The following CHODL variants were observed in gnomAD, a reference collection of about 807,000 sequenced individuals.
CHODL encodes the protein transmembrane protein MT75.
CHODL carries 29 observed loss-of-function variants against 34.5 expected under a neutral mutation model. The ratio of observed to expected loss-of-function variants is 0.84; its 90% CI spans 0.63 to 1.15. The LOEUF is 1.15. Ranked by LOEUF, CHODL falls within the 50% of genes most tolerant of loss-of-function variation. The probability of loss-of-function intolerance (pLI) is 0.00; values close to 1 mark genes in which losing one functional copy is unlikely to be tolerated. For synonymous variants in CHODL, 125 were observed against 116.1 expected, an observed-to-expected ratio of 1.08 and a Z score of -0.49; for missense variants, 332 against 332.5, an observed-to-expected ratio of 1.00 and a Z score of 0.01.
chr21:18,116,778 G>T (rs1394245897), intron 2 of CHODL, among the ~76,000 whole-genome samples: 3 of 152,156 alleles, frequency 2.0e-5, no homozygotes, highest in Non-Finnish European at 2.9e-5. Flanking sequence ...TCACCTGCTA[G>T]GGAGTTGAAG....
chr21:18,044,595 T>G (rs1292084272), intron 2 of CHODL, among the ~76,000 whole-genome samples: 1 of 151,968 alleles, frequency 6.6e-6, no homozygotes, highest in Non-Finnish European at 1.5e-5. Flanking sequence ...CACTGCCATT[T>G]TCTGAATTTC....
chr21:18,250,702 G>A (rs1275080584), intron 1 of CHODL, among the ~76,000 whole-genome samples: 1 of 151,946 alleles, frequency 6.6e-6, no homozygotes, highest in African/African-American at 2.4e-5. Flanking sequence ...GCTGCACTGT[G>A]TATGGTAGTA....
chr21:17,920,695 A>AT (rs1229046416), intron 1 of CHODL, among the ~76,000 whole-genome samples: 2 of 152,188 alleles, frequency 1.3e-5, no homozygotes, highest in Non-Finnish European at 2.9e-5. Flanking sequence ...AATGGTAGCT[A>AT]TTATTATTAA....
intron 2 of CHODL, among the ~76,000 whole-genome samples, chr21:18,127,494 C>T (rs2065560781): frequency 1.3e-5 from 2 of 151,904 alleles, no homozygotes; most frequent in South Asian, 4.2e-4. Flanking sequence ...TATTTAGAAA[C>T]CAGCTTGAAT....
chr21:18,021,490 C>T (rs1003885207), intron 1 of CHODL, among the ~76,000 whole-genome samples: 5 of 152,134 alleles, frequency 3.3e-5, no homozygotes, highest in Admixed American at 1.3e-4. Flanking sequence ...CTTCTTTCCC[C>T]ACTGGAGTGA....
chr21:18,154,027 G>GA (rs770685988), intron 2 of CHODL, among the ~76,000 whole-genome samples: 108 of 152,198 alleles, frequency 7.1e-4, no homozygotes, highest in Admixed American at 2.0e-3. Flanking sequence ...GATGGCAAGT[G>GA]AGATGTTTAT....
At chr21:17,975,351 C>T (rs2063653101) in intron 1 of CHODL, among the ~76,000 whole-genome samples, 1 of 151,728 alleles carries the variant, frequency 6.6e-6, no homozygotes, top group Non-Finnish European at 1.5e-5. Context: ...ATGTTTATTA[C>T]CTGGGTGACA....
intron 1 of CHODL, among the ~76,000 whole-genome samples, chr21:17,984,031 A>G (rs1732618260): frequency 6.6e-6 from 1 of 152,178 alleles, no homozygotes; most frequent in African/African-American, 2.4e-5. Flanking sequence ...TTTAGAATTT[A>G]TTTATCTAGC....
At chr21:18,253,315 G>GTT (rs141515066) in intron 1 of CHODL, among the ~76,000 whole-genome samples, 11 of 150,122 alleles carry the variant, frequency 7.3e-5, no homozygotes, top group African/African-American at 2.5e-4. Context: ...ATTCTGTTTT[G>GTT]TTTTTTTTTA....
rs1315148095 is a variant in CHODL, at chr21:18,245,254, G to C, written c.31G>C (p.Ala11Pro). 6 of 1,523,712 alleles carry C rather than the reference G, an allele frequency of 3.9e-6. No individual in the cohort carries two copies. In the African/African-American group the frequency reaches 7.1e-5, roughly 18 times the overall value. The allele number at this position is 1,523,712 out of a possible 1,614,324, so 94.4% of individuals were successfully genotyped here. A position where few individuals can be genotyped will look rare whatever the true frequency, so the allele number is the denominator to read the frequency against. Residue 11 changes from alanine to proline, a missense_variant, in exon 1 of 6, where the codon GCC (alanine) becomes CCC (proline). Physicochemically the swap from Ala to Pro is conservative, Grantham distance 27. Coordinates refer to ENST00000299295, the MANE Select transcript of CHODL (RefSeq NM_024944.3). ...CCGCGTGGTCTCGCTGCTGCTGGGCGCCGCGCTGCTCTGCGGCCACGGAGC... is the reference window on the plus strand; with the variant it reads ...CCGCGTGGTCTCGCTGCTGCTGGGCCCCGCGCTGCTCTGCGGCCACGGAGC... MSRVVSLLLG[A>P]ALLCGHGAFC... is the part of the protein sequence containing the mutation.
intron 2 of CHODL, among the ~76,000 whole-genome samples, chr21:18,078,243 CA>C (rs2064890592): frequency 6.6e-6 from 1 of 152,058 alleles, no homozygotes; most frequent in Non-Finnish European, 1.5e-5. Context: ...GGAGGGCTCA[CA>C]ATCATGGCAA....
At chr21:18,199,625 C>T (rs2073629258) in intron 2 of CHODL, among the ~76,000 whole-genome samples, 1 of 152,054 alleles carries the variant, frequency 6.6e-6, no homozygotes, top group Admixed American at 6.5e-5. Flanking sequence ...TCCATCCTCT[C>T]CTATCCTAAA....
At chr21:18,071,274 G>C (rs922973135) in intron 2 of CHODL, among the ~76,000 whole-genome samples, 6 of 151,588 alleles carry the variant, frequency 4.0e-5, no homozygotes, top group African/African-American at 1.5e-4. Flanking sequence ...AGCCTCCGGA[G>C]TAGCTAGGAC....
At chr21:18,084,530 T>A (rs559112259) in intron 2 of CHODL, among the ~76,000 whole-genome samples, 5 of 152,292 alleles carry the variant, frequency 3.3e-5, no homozygotes, top group African/African-American at 1.2e-4. Flanking sequence ...GACCCAGTGA[T>A]CATTCAGGAA....
chr21:18,214,560 C>A lies in CHODL; in HGVS notation c.-44-41949C>A, dbSNP rs563805881. Among the ~76,000 whole-genome samples, 499 of 152,170 alleles carry A rather than the reference C, an allele frequency of 3.3e-3. 4 individuals carry two copies. Among genetic ancestry groups the A allele is most frequent in the African/African-American group, 0.012 (483 of 41,528 alleles). On this transcript the variant is annotated intron_variant, in intron 2 of 6. Transcript: ENST00000400127. ...TCAGAGAGATTTTTTGCCTGTCTTGCCATTAGCTCTTCATTTGCAAATTGA... is the reference window on the plus strand; with the variant it reads ...TCAGAGAGATTTTTTGCCTGTCTTGACATTAGCTCTTCATTTGCAAATTGA...
chr21:18,234,238 G>A (rs954191149), intron 2 of CHODL, among the ~76,000 whole-genome samples: 3 of 152,186 alleles, frequency 2.0e-5, no homozygotes, highest in East Asian at 3.9e-4. Flanking sequence ...GATGTTTGCC[G>A]GATGAATGTA....
rs550235646 is a variant in CHODL, at chr21:17,936,283, G to T, written c.-145+18883G>T. Among the ~76,000 whole-genome samples the T allele has an allele frequency of 2.0e-5, 3 of 152,228 alleles. No homozygotes were observed. In the South Asian group the frequency reaches 6.2e-4, roughly 32 times the overall value. On this transcript the variant is annotated intron_variant, in intron 1 of 6. Coordinates refer to the CHODL transcript ENST00000400127. ...CTTGAAAGACCTTGGTGACTGATGGGTTACGAGGTACAAAGATTTAGAAGA... is the reference window on the plus strand; with the variant it reads ...CTTGAAAGACCTTGGTGACTGATGGTTTACGAGGTACAAAGATTTAGAAGA...
At chr21:18,189,740 T>G (rs1447652142) in intron 2 of CHODL, among the ~76,000 whole-genome samples, 2 of 151,580 alleles carry the variant, frequency 1.3e-5, no homozygotes, top group African/African-American at 4.8e-5. Context: ...GTTCAAGCGA[T>G]TCTCCTGTCT....
At chr21:18,078,289 G>A (rs2064891150) in intron 2 of CHODL, among the ~76,000 whole-genome samples, 4 of 152,120 alleles carry the variant, frequency 2.6e-5, no homozygotes, top group Admixed American at 2.6e-4. Flanking sequence ...CTCCTATATG[G>A]CAGCAGGCAA....
Sources: allele counts gnomAD v4.1 joint callset (sites outside exome capture counted in the v4.1 genomes callset), GRCh38; gene constraint gnomAD v4.1.1; transcripts MANE v1.5; gene names NCBI Gene and HGNC (gene_info 2026-07-23, HGNC 2026-07-21).